BDP1: variants seen among roughly 807,000 people sequenced by gnomAD.
The protein encoded by BDP1 is BDP1 general transcription factor IIIB subunit, also known as transcription factor TFIIIB component B'' homolog.
A neutral mutation model predicts 266.6 loss-of-function variants in BDP1; 169 were observed. The ratio of observed to expected loss-of-function variants is 0.63; its 90% CI spans 0.56 to 0.72. The LOEUF is 0.72. Among genes scored for constraint, BDP1 ranks in the 30% least tolerant of loss-of-function variants. The pLI, the probability that BDP1 is intolerant of heterozygous loss-of-function variation, is 0.00. For synonymous variants in BDP1, 1,090 were observed against 1,022.4 expected (o/e 1.07, Z -1.26); for missense variants, 3,015 against 3,053.8 (o/e 0.99, Z 0.30).
At chr5:71,516,435 G>T (rs1235663243) in intron 21 of BDP1, among the ~76,000 whole-genome samples, 164 bp downstream of exon 21, 1 of 151,670 alleles carries the variant, frequency 6.6e-6, no homozygotes, top group Non-Finnish European at 1.5e-5. Flanking sequence ...TTTTTTTTAA[G>T]TGAAAATAGA....
intron 11 of BDP1, among the ~76,000 whole-genome samples, chr5:71,493,039 T>C (rs1763684479): frequency 6.6e-6 from 1 of 152,238 alleles, no homozygotes; most frequent in South Asian, 2.1e-4. Context: ...CCAGACTTGC[T>C]TAGTTTGAGA....
rs568905749 is a variant in BDP1 at position 71,525,755 on chromosome 5, G to A, written c.5772+1432G>A. Among the ~76,000 whole-genome samples the A allele has an allele frequency of 7.2e-4, 110 of 151,886 alleles. 1 individual carries two copies. The highest frequency in any genetic ancestry group is 3.4e-3 in the Middle Eastern group (1 of 292). ...GGGGGCTGACCCCCACCTCCCTCCCGGACGGGGTGGCTGTTGGGCAGAGAC... is the reference window on the plus strand; with the variant it reads ...GGGGGCTGACCCCCACCTCCCTCCCAGACGGGGTGGCTGTTGGGCAGAGAC... On this transcript the variant is annotated intron_variant, in intron 25 of 38. Coordinates refer to ENST00000358731, the MANE Select transcript of BDP1 (RefSeq NM_018429.3).
chr5:71,510,931 C>G lies in BDP1; in HGVS notation c.3839C>G (p.Ala1280Gly), dbSNP rs555865529. ...GKMAVVEEME[A>G]DLKETGKENF... ...ATGGCTGTTGTTGAAGAAATGGAGG[C>G]AGATTTGAAAGAAACTGGAAAAGAA... The change falls in exon 17 of 39, where the codon GCA becomes GGA. Residue 1280 changes from alanine (A) to glycine (G), a missense_variant. Ala to Gly is a moderately conservative substitution (Grantham distance 60, BLOSUM62 0). This residue lies in a region of BDP1 where 2,383 missense variants were observed against 2,404.9 expected (regional missense o/e 0.99). Transcript: ENST00000358731. 1.0e-3 allele frequency: 1,667 copies of G among 1,613,962 alleles called. 31 individuals carry two copies. The South Asian group carries it at 0.017, about 17-fold the overall frequency.
intron 32 of BDP1, among the ~76,000 whole-genome samples, chr5:71,545,955 G>A (rs1264185535): frequency 2.0e-5 from 3 of 151,936 alleles, no homozygotes; most frequent in Non-Finnish European, 4.4e-5. Context: ...AGCTGTGGTC[G>A]CCATGCACTC....
intron 38 of BDP1, 29 bp downstream of exon 38, chr5:71,562,549 TTGTA>T: frequency 8.8e-6 from 14 of 1,596,888 alleles, no homozygotes; most frequent in Non-Finnish European, 1.2e-5. Flanking sequence ...ATTTTATAGT[TTGTA>T]TGAGATGGGT....
At chr5:71,503,192 G>A (rs1408570559) in intron 15 of BDP1, among the ~76,000 whole-genome samples, 1 of 151,944 alleles carries the variant, frequency 6.6e-6, no homozygotes, top group Non-Finnish European at 1.5e-5. Flanking sequence ...TTGCCATATT[G>A]GCCAGGCTGG....
chr5:71,461,956 C>CACT, intron 3 of BDP1, 30 bp downstream of exon 3: 7 of 725,304 alleles, frequency 9.7e-6, no homozygotes, highest in Non-Finnish European at 1.6e-5. Flanking sequence ...GCTTTACTAT[C>CACT]TCTTTTTTTT....
chr5:71,548,602 C>A, intron 32 of BDP1, 80 bp from the exon 33 acceptor site: 1 of 851,516 alleles, frequency 1.2e-6, no homozygotes, highest in Non-Finnish European at 2.0e-6. Context: ...AATCTCTTCA[C>A]TATATCATAT....
At chr5:71,457,794 A>AT (rs1278919247) in intron 1 of BDP1, among the ~76,000 whole-genome samples, 3 of 152,192 alleles carry the variant, frequency 2.0e-5, no homozygotes, top group African/African-American at 2.4e-5. Context: ...GCATTTTCTA[A>AT]TTTTTTATAA....
chr5:71,486,708 C>A, intron 9 of BDP1, 81 bp downstream of exon 9: 1 of 1,163,270 alleles, frequency 8.6e-7, no homozygotes, highest in Non-Finnish European at 1.2e-6. Flanking sequence ...TTTGAGAGTT[C>A]ATGTGTAGCT....
intron 26 of BDP1, 50 bp downstream of exon 26, chr5:71,532,477 G>C: frequency 6.3e-7 from 1 of 1,575,644 alleles, no homozygotes; most frequent in Non-Finnish European, 8.7e-7. Flanking sequence ...TGTTTACTTT[G>C]AAAAGACTGG....
Position 71,522,705 on chromosome 5 carries a change from C to T in BDP1, c.5194-51C>T, listed in dbSNP as rs115257344. 2,637 of 1,508,988 alleles carry T rather than the reference C, an allele frequency of 1.7e-3. 46 individuals are homozygous for T. The African/African-American group carries it at 0.032, about 18-fold the overall frequency. 93.5% of individuals were successfully genotyped at this position (1,508,988 alleles called of 1,614,324 possible). A position where few individuals can be genotyped will look rare whatever the true frequency, so the allele number is the denominator to read the frequency against. On this transcript the variant is annotated intron_variant, in intron 23 of 38. Coordinates refer to ENST00000358731, the MANE Select transcript of BDP1 (RefSeq NM_018429.3). Reference sequence around the variant, plus strand: ...AGGCCAAACTACCAAACCAAATTAACATAGAGATTGTTTCTGTAGTAATAC... The same window carrying T: ...AGGCCAAACTACCAAACCAAATTAATATAGAGATTGTTTCTGTAGTAATAC...
intron 26 of BDP1, among the ~76,000 whole-genome samples, chr5:71,532,839 A>T (rs1224733290): frequency 6.6e-6 from 1 of 152,238 alleles, no homozygotes; most frequent in Non-Finnish European, 1.5e-5. Context: ...GTGCACAATT[A>T]AGTGACTTCT....
rs1011674611 is a variant in BDP1 at position 71,508,514 on chromosome 5, A to C, written c.2373-951A>C. On this transcript the variant is annotated intron_variant, in intron 16 of 38. Coordinates refer to ENST00000358731, the MANE Select transcript of BDP1 (RefSeq NM_018429.3). ...GAGATGGGATTTCTACCAAAAACTCATGGGCTCAAGCCATCTGCTTCAGCC... is the reference window on the plus strand; with the variant it reads ...GAGATGGGATTTCTACCAAAAACTCCTGGGCTCAAGCCATCTGCTTCAGCC... Among the ~76,000 whole-genome samples, 8 of 150,028 alleles carry C rather than the reference A, an allele frequency of 5.3e-5. No individual in the cohort carries two copies. In the East Asian group the frequency reaches 5.9e-4, roughly 11 times the overall value.
chr5:71,485,140 T>C (rs1324084240), intron 8 of BDP1, among the ~76,000 whole-genome samples: 1 of 152,188 alleles, frequency 6.6e-6, no homozygotes, highest in Non-Finnish European at 1.5e-5. Flanking sequence ...TTATAATAGA[T>C]ATTTTTAAAA....
chr5:71,490,976 A>T lies in BDP1; in HGVS notation c.1493-8A>T. 1 of 1,588,908 alleles carries T rather than the reference A, an allele frequency of 6.3e-7. No individual in the cohort carries two copies. The highest frequency in any genetic ancestry group is 1.2e-5 in the South Asian group (1 of 85,974). ...TTTTTTAGAATAACATGCATTTTGT[A>T]TTTGTAGATAAATGTCAGGCTATAA... On this transcript the variant is annotated splice_polypyrimidine_tract_variant and splice_region_variant and intron_variant, in intron 10 of 38. Coordinates refer to ENST00000358731, the MANE Select transcript of BDP1 (RefSeq NM_018429.3).
At chr5:71,457,445 A>G (rs1237557640) in intron 1 of BDP1, among the ~76,000 whole-genome samples, 2 of 151,180 alleles carry the variant, frequency 1.3e-5, no homozygotes, top group East Asian at 1.9e-4. Context: ...GCTCCCAAGT[A>G]TCTGGGACTA....
chr5:71,525,005 A>AC (rs1765714080), intron 25 of BDP1, among the ~76,000 whole-genome samples: 2 of 151,738 alleles, frequency 1.3e-5, no homozygotes, highest in Non-Finnish European at 2.9e-5. Context: ...TTAGTACAGA[A>AC]CAAAATGAAA....
intron 25 of BDP1, among the ~76,000 whole-genome samples, chr5:71,531,062 A>C (rs1481728295): frequency 6.6e-6 from 1 of 152,064 alleles, no homozygotes; most frequent in Non-Finnish European, 1.5e-5. Flanking sequence ...CGATAGAGTG[A>C]GGCTTTGTCT....
Sources: allele counts gnomAD v4.1 joint callset (sites outside exome capture counted in the v4.1 genomes callset), GRCh38; gene constraint gnomAD v4.1.1; regional missense constraint gnomAD v4.1.1; transcripts MANE v1.5; gene names NCBI Gene and HGNC (gene_info 2026-07-23, HGNC 2026-07-21).